The following SLC4A4 variants were observed in gnomAD, a reference collection of about 807,000 sequenced individuals.
SLC4A4 encodes electrogenic sodium bicarbonate cotransporter 1.
In SLC4A4, 27 loss-of-function variants were observed where a neutral mutation model predicts 111.5. That is an observed-to-expected ratio of 0.24 (90% confidence interval 0.18 to 0.33). The LOEUF is 0.33. SLC4A4 is among the 10% of genes least tolerant of loss of function. The pLI, the probability that SLC4A4 is intolerant of heterozygous loss-of-function variation, is 1.00. For missense variants in SLC4A4, 909 were observed against 1,315.5 expected (o/e 0.69, Z 4.78); for synonymous variants, 443 against 463.4 (o/e 0.96, Z 0.57).
At chr4:71,531,373 A>G in intron 16 of SLC4A4, among the ~76,000 whole-genome samples, 1 of 152,188 alleles carries the variant, frequency 6.6e-6, no homozygotes, top group East Asian at 1.9e-4. Flanking sequence ...TAGAGGAGAG[A>G]TGTCCCACAT....
At chr4:71,504,124 A>T (rs181636731) in intron 16 of SLC4A4, among the ~76,000 whole-genome samples, 32 of 152,314 alleles carry the variant, frequency 2.1e-4, no homozygotes, top group Non-Finnish European at 3.7e-4. Flanking sequence ...GAGTATTAAT[A>T]TGCCTTGGAG....
At chr4:71,422,562 T>G (rs1241176426) in intron 7 of SLC4A4, among the ~76,000 whole-genome samples, 188 of 152,226 alleles carry the variant, frequency 1.2e-3, no homozygotes, top group Middle Eastern at 6.8e-3. Flanking sequence ...CAATATCCTT[T>G]ATGAACATTG....
intron 24 of SLC4A4, among the ~76,000 whole-genome samples, chr4:71,566,760 C>T (rs1737505804): frequency 6.6e-6 from 1 of 151,766 alleles, no homozygotes; most frequent in Non-Finnish European, 1.5e-5. Context: ...AAATGATTTG[C>T]TTCTTATCCT....
intron 18 of SLC4A4, among the ~76,000 whole-genome samples, chr4:71,544,380 G>A (rs1057270037): frequency 2.6e-5 from 4 of 151,928 alleles, no homozygotes; most frequent in Non-Finnish European, 5.9e-5. Context: ...AAACACATAT[G>A]AGGCATTGCA....
Position 71,534,240 on chromosome 4 carries a change from A to G in SLC4A4, c.2294A>G (p.Asn765Ser). ...VPSEFKPTSP[N>S]RGWFVPPFGE... The stretch of plus-strand genomic sequence containing the variant: ...GTCTTTTTCAAGCCAACAAGTCCAA[A>G]CCGAGGTTGGTTCGTTCCACCGTTT... The change falls in exon 18 of 26, where the codon AAC (asparagine) becomes AGC (serine). Residue 765 changes from asparagine (N) to serine (S), a missense_variant. Physicochemically the swap from Asn to Ser is conservative, Grantham distance 46 (BLOSUM62 1). Coordinates refer to ENST00000264485, the MANE Select transcript of SLC4A4 (RefSeq NM_001098484.3). The G allele has an allele frequency of 6.2e-7, 1 of 1,613,496 alleles. No individual in the cohort carries two copies. Among genetic ancestry groups the G allele is most frequent in the Non-Finnish European group, 8.5e-7 (1 of 1,179,722 alleles).
chr4:71,378,779 T>G (rs1383623287), intron 6 of SLC4A4, among the ~76,000 whole-genome samples: 1 of 152,208 alleles, frequency 6.6e-6, no homozygotes, highest in Non-Finnish European at 1.5e-5. Flanking sequence ...ACGAGGCTTT[T>G]CTTTCCATGG....
intron 6 of SLC4A4, among the ~76,000 whole-genome samples, chr4:71,376,156 T>TATATATACACACACACAC (rs1553900734): frequency 1.5e-5 from 2 of 135,520 alleles, no homozygotes; most frequent in African/African-American, 5.5e-5. Context: ...CCTGTATATA[T>TATATATACACACACACAC]ACACACACAC....
intron 23 of SLC4A4, among the ~76,000 whole-genome samples, chr4:71,563,124 T>G (rs2149256297): frequency 6.6e-6 from 1 of 151,962 alleles, no homozygotes; most frequent in East Asian, 2.0e-4. Flanking sequence ...GCTGCCTGGT[T>G]TTGTCATTTC....
intron 7 of SLC4A4, among the ~76,000 whole-genome samples, chr4:71,406,354 A>C (rs1250246972): frequency 3.9e-5 from 6 of 151,960 alleles, no homozygotes; most frequent in African/African-American, 1.4e-4. Flanking sequence ...GCATATTTGC[A>C]GATTCTACTG....
At chr4:71,353,734 C>A (rs745555169) in intron 5 of SLC4A4, among the ~76,000 whole-genome samples, 1 of 152,154 alleles carries the variant, frequency 6.6e-6, no homozygotes, top group African/African-American at 2.4e-5. Context: ...AATTTTATAT[C>A]AACAAATGAG....
chr4:71,552,048 G>A (rs959147609), intron 20 of SLC4A4, among the ~76,000 whole-genome samples: 13 of 151,956 alleles, frequency 8.6e-5, no homozygotes, highest in African/African-American at 3.1e-4. Context: ...TGAGGACCAA[G>A]GAGAGTTCTG....
At chr4:71,475,372 C>G (rs1728271234) in intron 14 of SLC4A4, among the ~76,000 whole-genome samples, 1 of 151,830 alleles carries the variant, frequency 6.6e-6, no homozygotes, top group African/African-American at 2.4e-5. Context: ...ATAAAAAGTA[C>G]TATGGTTTTA....
At position 71,222,357 on chromosome 4, in the gene SLC4A4, G is replaced by A. The variant is rs79002648; in HGVS notation, c.-1-14219G>A. ...TTCAATCTTTGATCAACTATCACTCGTTGAGGCCTTTCTTAACTACCTATT... is the reference window on the plus strand; with the variant it reads ...TTCAATCTTTGATCAACTATCACTCATTGAGGCCTTTCTTAACTACCTATT... On this transcript the variant is annotated intron_variant, in intron 1 of 25. Transcript: ENST00000264485. Among the ~76,000 whole-genome samples the A allele has an allele frequency of 2.2e-3, 329 of 152,186 alleles. 5 individuals carry two copies. The East Asian group carries it at 0.048, about 22-fold the overall frequency.
In SLC4A4 at chr4:71,495,904, T is replaced by A. The variant is rs116549415; in HGVS notation, c.1975-1597T>A. 3.4e-3 allele frequency among the ~76,000 whole-genome samples: 515 copies of A among 152,198 alleles called. 3 individuals are homozygous for A. Among genetic ancestry groups the A allele is most frequent in the African/African-American group, 0.012 (501 of 41,538 alleles). ...ACCCAGTCCCTTCCACCCAACCACA[T>A]TGGCATCCATTTAGATAGGTACAAT... On this transcript the variant is annotated intron_variant, in intron 15 of 25. Transcript: ENST00000264485.
At chr4:71,407,136 T>C (rs1343852263) in intron 7 of SLC4A4, among the ~76,000 whole-genome samples, 2 of 152,214 alleles carry the variant, frequency 1.3e-5, no homozygotes, top group Non-Finnish European at 2.9e-5. Context: ...TGAAAGCCAC[T>C]GTGGAACAGA....
chr4:71,451,052 A>T, intron 10 of SLC4A4, 136 bp from the exon 11 acceptor site: 1 of 704,018 alleles, frequency 1.4e-6, no homozygotes, highest in Non-Finnish European at 2.6e-6. Context: ...ACTGTCTGTT[A>T]GATAGCAGAA....
intron 1 of SLC4A4, among the ~76,000 whole-genome samples, chr4:71,215,262 G>T (rs1347591493): frequency 6.6e-6 from 1 of 152,006 alleles, no homozygotes; most frequent in African/African-American, 2.4e-5. Flanking sequence ...TTATTAATTC[G>T]CTCCTGACTG....
intron 22 of SLC4A4, 106 bp downstream of exon 22, chr4:71,557,991 C>T: frequency 1.1e-6 from 1 of 886,002 alleles, no homozygotes; most frequent in Non-Finnish European, 1.8e-6. Flanking sequence ...CCAAATTTTT[C>T]CAGCTTTGAC....
chr4:71,423,417 G>T lies in SLC4A4; in HGVS notation c.808-17199G>T, dbSNP rs556544736. ...TCGTGAAAATGGCCATACTGCCCAAGGTCATTTATAGATTCAATGCCATGC... is the reference window on the plus strand; with the variant it reads ...TCGTGAAAATGGCCATACTGCCCAATGTCATTTATAGATTCAATGCCATGC... On this transcript the variant is annotated intron_variant, in intron 7 of 25. Coordinates refer to ENST00000264485, the MANE Select transcript of SLC4A4 (RefSeq NM_001098484.3). Among the ~76,000 whole-genome samples, 58 of 152,238 alleles carry T rather than the reference G, an allele frequency of 3.8e-4. No homozygotes were observed. In the South Asian group the frequency reaches 0.011, roughly 28 times the overall value.
Sources: gnomAD v4.1 joint callset for allele counts (sites outside exome capture counted in the v4.1 genomes callset) on GRCh38, gnomAD v4.1.1 for gene constraint, MANE v1.5 for transcripts, NCBI Gene and HGNC (gene_info 2026-07-23, HGNC 2026-07-21) for gene names.